MGST1: variants seen among roughly 807,000 people sequenced by gnomAD.
MGST1 encodes glutathione S-transferase 12.
A neutral mutation model predicts 8.9 loss-of-function variants in MGST1; 5 were observed. That is an observed-to-expected ratio of 0.56 (90% CI 0.29 to 1.19). The LOEUF (loss-of-function observed/expected upper bound fraction) is 1.19. Ranked by LOEUF, MGST1 falls within the 50% of genes most tolerant of loss-of-function variation. MGST1 has a pLI of 0.08. For missense variants in MGST1, 182 were observed against 187.4 expected (o/e 0.97, Z 0.17); for synonymous variants, 54 against 67.8 (o/e 0.80, Z 1.00).
At chr12:16,470,189 A>T (rs1008931690) in intron 4 of MGST1, among the ~76,000 whole-genome samples, 6 of 151,796 alleles carry the variant, frequency 4.0e-5, no homozygotes, top group Admixed American at 1.3e-4. Context: ...CTTTCTACAT[A>T]AAAAAAAATC....
At chr12:16,490,794 C>T (rs1182334504) in intron 4 of MGST1, among the ~76,000 whole-genome samples, 1 of 152,132 alleles carries the variant, frequency 6.6e-6, no homozygotes, top group Non-Finnish European at 1.5e-5. Context: ...ATTAACTCCT[C>T]CATCAAAATC....
rs1254853509 is a variant in MGST1 at position 16,363,662 on chromosome 12, GAA to G, written c.222-126_222-125del. 2.8e-6 allele frequency: 2 copies of G among 726,156 alleles called. No homozygotes were observed. Among genetic ancestry groups the G allele is most frequent in the Non-Finnish European group, 4.1e-6 (2 of 492,136 alleles). 45.0% of individuals were successfully genotyped at this position (726,156 alleles called of 1,614,324 possible). On this transcript the variant is annotated intron_variant, in intron 3 of 3. Transcript: ENST00000396210. This position sits in a 1 kb window ranked among gnomAD's most constrained non-coding sequence, Gnocchi z 4.6. ...GGCAAGGAAGCAAGACAATTTGAGA[GAA>G]AAAAAATAAATCTTACTTTGAAATT...
At chr12:16,493,311 T>A (rs145970535) in intron 4 of MGST1, among the ~76,000 whole-genome samples, 1 of 152,314 alleles carries the variant, frequency 6.6e-6, no homozygotes, top group African/African-American at 2.4e-5. Flanking sequence ...GTTTGTTTTT[T>A]ACGTGCTTGT....
chr12:16,506,567 C>A (rs534831056), intron 4 of MGST1, among the ~76,000 whole-genome samples: 2 of 152,180 alleles, frequency 1.3e-5, no homozygotes, highest in Admixed American at 1.3e-4. Context: ...AGATTGTGAC[C>A]TATGGTATAG....
At chr12:16,400,499 C>CCTCCTT (rs1940645357) in intron 1 of MGST1, 1 of 810,028 alleles carries the variant, frequency 1.2e-6, no homozygotes, top group African/African-American at 1.7e-5. Flanking sequence ...TTTACAATGC[C>CCTCCTT]CTCCTTCTCT....
At chr12:16,562,238 T>TGATCTGCTTAGGA (rs760379451) in intron 4 of MGST1, among the ~76,000 whole-genome samples, 1 of 152,226 alleles carries the variant, frequency 6.6e-6, no homozygotes, top group African/African-American at 2.4e-5. Flanking sequence ...GTACTTAACA[T>TGATCTGCTTAGGA]GATCTGCTTA....
intron 1 of MGST1, among the ~76,000 whole-genome samples, chr12:16,385,689 TTTC>T (rs1940499008): frequency 7.5e-6 from 1 of 132,564 alleles, no homozygotes; most frequent in Non-Finnish European, 1.6e-5. Context: ...TTCAAAGGGC[TTTC>T]TTTTTTTTTT....
chr12:16,474,850 T>A (rs547201195), intron 4 of MGST1, among the ~76,000 whole-genome samples: 6 of 152,328 alleles, frequency 3.9e-5, no homozygotes, highest in Non-Finnish European at 8.8e-5. Flanking sequence ...TAATCTTATT[T>A]TCTCCATTCA....
chr12:16,409,708 C>G (rs1474173915), intron 1 of MGST1, among the ~76,000 whole-genome samples: 1 of 152,080 alleles, frequency 6.6e-6, no homozygotes, highest in Admixed American at 6.6e-5. Flanking sequence ...GTTAAGTCAG[C>G]CTTTAACTAT....
At chr12:16,418,984 A>G (rs975881692) in intron 1 of MGST1, among the ~76,000 whole-genome samples, 2 of 152,080 alleles carry the variant, frequency 1.3e-5, no homozygotes, top group Non-Finnish European at 2.9e-5. Context: ...TTGGAAGAAG[A>G]TCATTATTGA....
intron 1 of MGST1, among the ~76,000 whole-genome samples, chr12:16,398,009 A>G (rs1420977406): frequency 6.6e-6 from 1 of 151,310 alleles, no homozygotes; most frequent in Admixed American, 6.6e-5. Context: ...TTATTTCTCC[A>G]TTTACTTACA....
intron 1 of MGST1, chr12:16,399,167 T>C (rs1272156758): frequency 7.7e-6 from 9 of 1,162,290 alleles, no homozygotes; most frequent in African/African-American, 3.1e-5. Context: ...TAAACACAAA[T>C]GGCAAAACTT....
At chr12:16,549,830 C>T (rs1451539230) in intron 4 of MGST1, 1 of 152,052 alleles carries the variant, frequency 6.6e-6, no homozygotes, top group African/African-American at 2.4e-5. Context: ...TAATCATTCT[C>T]CATAATTTCT....
chr12:16,491,604 G>T (rs1030844033), intron 4 of MGST1, among the ~76,000 whole-genome samples: 1 of 119,374 alleles, frequency 8.4e-6, no homozygotes. Context: ...AAAAGGCACC[G>T]ATTTTAAACT....
intron 4 of MGST1, among the ~76,000 whole-genome samples, chr12:16,543,452 A>G (rs1941803841): frequency 6.6e-6 from 1 of 152,074 alleles, no homozygotes; most frequent in Non-Finnish European, 1.5e-5. Context: ...AATTGTTATT[A>G]TTTGGCCCAT....
chr12:16,399,319 C>T, intron 1 of MGST1: 1 of 1,603,746 alleles, frequency 6.2e-7, no homozygotes, highest in South Asian at 1.1e-5. Flanking sequence ...TGTGTGGAAC[C>T]ATGGTTGGAA....
intron 4 of MGST1, among the ~76,000 whole-genome samples, chr12:16,540,830 A>G (rs1024324889): frequency 1.3e-5 from 2 of 152,134 alleles, no homozygotes; most frequent in South Asian, 2.1e-4. Flanking sequence ...GAATTGCTTG[A>G]ACCCAGGAGG....
At chr12:16,414,004 T>A (rs186376476) in intron 1 of MGST1, among the ~76,000 whole-genome samples, 1 of 152,106 alleles carries the variant, frequency 6.6e-6, no homozygotes, top group Non-Finnish European at 1.5e-5. Context: ...AACTGTAGAA[T>A]CAACAACTAA....
exon 2 of MGST1, chr12:16,438,540 C>T (rs1941010286): frequency 6.6e-6 from 1 of 151,848 alleles, no homozygotes; most frequent in African/African-American, 2.4e-5. Flanking sequence ...TTGTTGGACA[C>T]AGCTTATATG....
Sources: gnomAD v4.1 joint callset for allele counts (sites outside exome capture counted in the v4.1 genomes callset) on GRCh38, gnomAD v4.1.1 for gene constraint, Gnocchi (gnomAD v3.1) non-coding constraint, MANE v1.5 for transcripts, NCBI Gene and HGNC (gene_info 2026-07-23, HGNC 2026-07-21) for gene names.